PARD3B: variants seen among roughly 807,000 people sequenced by gnomAD.
PARD3B encodes the protein partitioning defective 3 homolog B.
PARD3B carries 103 observed loss-of-function variants against 130.2 expected under a neutral mutation model. The ratio of observed to expected loss-of-function variants is 0.79; its 90% CI spans 0.67 to 0.93. PARD3B has a LOEUF of 0.93. Among genes scored for constraint, PARD3B ranks in the 40% least tolerant of loss-of-function variants. The pLI is 0.00. For synonymous variants in PARD3B, 583 were observed against 553.2 expected (o/e 1.05, Z -0.76); for missense variants, 1,609 against 1,499.2 (o/e 1.07, Z -1.21).
Position 205,440,393 on chromosome 2 carries a change from T to C in PARD3B, c.2765T>C (p.Leu922Pro). The C allele has an allele frequency of 6.2e-7, 1 of 1,613,970 alleles. No individual in the cohort carries two copies. The highest frequency in any genetic ancestry group is 8.5e-7 in the Non-Finnish European group (1 of 1,179,912). The change falls in exon 20 of 23, where the codon CTA (leucine) becomes CCA (proline). Residue 922 changes from leucine to proline, a missense_variant. By Grantham distance (98) the Leu-to-Pro change is moderately conservative (BLOSUM62 -3). Transcript: ENST00000406610. The surrounding 1 kb of genome is among the most constrained non-coding windows in gnomAD (Gnocchi z 4.2). ...RERIGAKHQE[L>P]REKQARGLLD... ...AGGATTGGAGCAAAACATCAGGAGC[T>C]AAGGGAAAAGCAGGCAAGAGGTCTT...
chr2:205,024,724 A>G lies in PARD3B; in HGVS notation c.395-22857A>G, dbSNP rs75834021. On this transcript the variant is annotated intron_variant, in intron 3 of 22. Transcript: ENST00000406610. ...CATACCATAATAATTAATGAAGCACATCATTTGTTTCCAGAGCAGATTATG... is the reference window on the plus strand; with the variant it reads ...CATACCATAATAATTAATGAAGCACGTCATTTGTTTCCAGAGCAGATTATG... Among the ~76,000 whole-genome samples the G allele has an allele frequency of 8.1e-3, 1,231 of 152,326 alleles. 11 individuals are homozygous for G. Among genetic ancestry groups the G allele is most frequent in the African/African-American group, 0.028 (1,161 of 41,574 alleles).
chr2:204,630,145 C>T (rs1324446383), intron 1 of PARD3B, among the ~76,000 whole-genome samples: 2 of 151,924 alleles, frequency 1.3e-5, no homozygotes, highest in Admixed American at 6.6e-5. Context: ...CATCTAGTAC[C>T]CTCTATTCTT....
chr2:205,131,428 T>C (rs2031987656), intron 10 of PARD3B, among the ~76,000 whole-genome samples: 1 of 152,194 alleles, frequency 6.6e-6, no homozygotes, highest in African/African-American at 2.4e-5. Context: ...TTCTTCTTAC[T>C]GCATTTTCAT....
intron 1 of PARD3B, among the ~76,000 whole-genome samples, chr2:204,567,913 C>G (rs955827347): frequency 2.6e-5 from 4 of 152,140 alleles, no homozygotes; most frequent in African/African-American, 7.2e-5. Context: ...TGTGAAGTGT[C>G]TAATCTCTTT....
At chr2:204,638,833 C>G (rs1249565894) in intron 1 of PARD3B, among the ~76,000 whole-genome samples, 1 of 152,144 alleles carries the variant, frequency 6.6e-6, no homozygotes, top group Non-Finnish European at 1.5e-5. Flanking sequence ...GAACTTTAGA[C>G]CCCTTTGAAG....
At chr2:204,555,563 A>T (rs540809657) in intron 1 of PARD3B, among the ~76,000 whole-genome samples, 18 of 152,302 alleles carry the variant, frequency 1.2e-4, no homozygotes, top group Admixed American at 8.5e-4. Context: ...GTCTTAAAAA[A>T]AATTTATATC....
chr2:205,165,667 G>A (rs1227475647), intron 11 of PARD3B, among the ~76,000 whole-genome samples: 6 of 151,536 alleles, frequency 4.0e-5, no homozygotes, highest in East Asian at 1.9e-4. Flanking sequence ...GCAATGAGCC[G>A]AGATCATACC....
At chr2:205,426,957 C>A (rs1338210641) in intron 19 of PARD3B, among the ~76,000 whole-genome samples, 1 of 151,894 alleles carries the variant, frequency 6.6e-6, no homozygotes, top group Non-Finnish European at 1.5e-5. Context: ...GTAAAATCAG[C>A]AAAAGATATG....
In PARD3B at chr2:205,121,531, CT is replaced by C; in HGVS notation, c.807-57del. The C allele has an allele frequency of 6.8e-7, 1 of 1,462,652 alleles. No homozygotes were observed. Among genetic ancestry groups the C allele is most frequent in the Non-Finnish European group, 9.4e-7 (1 of 1,059,226 alleles). The allele number at this position is 1,462,652 out of a possible 1,614,324, so 90.6% of individuals were successfully genotyped here. On this transcript the variant is annotated intron_variant, in intron 7 of 22. Coordinates refer to ENST00000406610, the MANE Select transcript of PARD3B (RefSeq NM_001302769.2). This position sits in a 1 kb window ranked among gnomAD's most constrained non-coding sequence, Gnocchi z 5.0. Reference sequence around the variant, plus strand: ...TCTTGGTTGCCATCCTCCTGGGGTACTTTAGAAGATGCTGCACCTCAAAGCA... The same window carrying C: ...TCTTGGTTGCCATCCTCCTGGGGTACTTAGAAGATGCTGCACCTCAAAGCA...
At chr2:205,448,572 G>T (rs1038611297) in intron 20 of PARD3B, among the ~76,000 whole-genome samples, 4 of 152,220 alleles carry the variant, frequency 2.6e-5, no homozygotes, top group Admixed American at 1.3e-4. Context: ...ATATTTTAAA[G>T]TATGGATTTT....
At chr2:205,239,686 A>G (rs906120608) in intron 15 of PARD3B, among the ~76,000 whole-genome samples, 8 of 152,222 alleles carry the variant, frequency 5.3e-5, no homozygotes, top group South Asian at 2.1e-4. Context: ...AGTTGTGAAC[A>G]TATGGATAGT....
chr2:204,825,935 C>T (rs930562513), intron 2 of PARD3B, among the ~76,000 whole-genome samples: 4 of 152,060 alleles, frequency 2.6e-5, no homozygotes, highest in African/African-American at 4.8e-5. Context: ...ATCTTATATA[C>T]CTTAGCCTGA....
intron 2 of PARD3B, among the ~76,000 whole-genome samples, chr2:204,902,754 A>G (rs1287877826): frequency 4.0e-5 from 6 of 149,974 alleles, no homozygotes; most frequent in African/African-American, 2.5e-5. Context: ...GAAATGTCCT[A>G]TTTTTTTTCT....
intron 20 of PARD3B, among the ~76,000 whole-genome samples, chr2:205,451,554 A>G (rs2048105048): frequency 6.6e-6 from 1 of 152,066 alleles, no homozygotes; most frequent in African/African-American, 2.4e-5. Flanking sequence ...CTTTCGTCAA[A>G]TATATTCTTA....
At chr2:204,819,079 C>T (rs1223192543) in intron 2 of PARD3B, among the ~76,000 whole-genome samples, 1 of 152,172 alleles carries the variant, frequency 6.6e-6, no homozygotes, top group Admixed American at 6.5e-5. Flanking sequence ...CACACACATA[C>T]ACATATATAC....
intron 3 of PARD3B, among the ~76,000 whole-genome samples, chr2:205,023,295 A>C (rs537729207): frequency 5.9e-5 from 9 of 152,182 alleles, no homozygotes; most frequent in African/African-American, 2.2e-4. Context: ...AACACAGCAC[A>C]ATGTCGATTA....
chr2:204,839,958 A>G (rs1301202460), intron 2 of PARD3B, among the ~76,000 whole-genome samples: 1 of 152,226 alleles, frequency 6.6e-6, no homozygotes, highest in South Asian at 2.1e-4. Context: ...AAGTATAATT[A>G]ATATATCTTT....
Position 204,680,254 on chromosome 2 carries a change from CTTG to C in PARD3B, c.121-5921_121-5919del, listed in dbSNP as rs574831727. 5.9e-5 allele frequency among the ~76,000 whole-genome samples: 9 copies of C among 151,956 alleles called. No homozygotes were observed. The South Asian group carries it at 1.2e-3, about 21-fold the overall frequency. On this transcript the variant is annotated intron_variant, in intron 1 of 22. Transcript: ENST00000406610. ...TTGAAACAATAAATTCAATTTAATT[CTTG>C]TTGTTTTTGTATTAATCATATTTTG...
chr2:205,541,584 A>G lies in PARD3B; in HGVS notation c.3181-11740A>G, dbSNP rs191082629. Among the ~76,000 whole-genome samples the G allele has an allele frequency of 4.9e-3, 745 of 152,012 alleles. 5 individuals carry two copies. The highest frequency in any genetic ancestry group is 9.0e-3 in the Non-Finnish European group (614 of 67,950). On this transcript the variant is annotated intron_variant, in intron 21 of 22. Transcript: ENST00000406610. ...GGCTGGTCTCAAATTCCTGGCCTCA[A>G]GTGATTGCCCGCCTCAGCCTCCCAA...
Sources: allele counts gnomAD v4.1 joint callset (sites outside exome capture counted in the v4.1 genomes callset), GRCh38; gene constraint gnomAD v4.1.1; non-coding constraint Gnocchi (gnomAD v3.1); transcripts MANE v1.5; gene names NCBI Gene and HGNC (gene_info 2026-07-23, HGNC 2026-07-21).